Variants in IGF2BP2 observed in about 807,000 individuals in gnomAD.
IGF2BP2 encodes the protein insulin like growth factor 2 mRNA binding protein 2.
IGF2BP2 carries 17 observed loss-of-function variants against 75.8 expected under a neutral mutation model. The observed-to-expected ratio is 0.22, with a 90% CI of 0.15 to 0.34. The LOEUF (loss-of-function observed/expected upper bound fraction) is 0.34, where lower values mean the gene tolerates loss of function less well. IGF2BP2 is among the 10% of genes least tolerant of loss of function. The pLI is 1.00. For missense variants in IGF2BP2, 516 were observed against 772.4 expected, an observed-to-expected ratio of 0.67 and a Z score of 3.93; for synonymous variants, 288 against 295.6, an observed-to-expected ratio of 0.97 and a Z score of 0.26.
At chr3:185,650,088 CTTT>C (rs542843120) in intron 13 of IGF2BP2, among the ~76,000 whole-genome samples, 7 of 125,966 alleles carry the variant, frequency 5.6e-5, no homozygotes, top group Admixed American at 8.0e-5. Context: ...TGTTTTCATT[CTTT>C]TTTTTTTTTT....
chr3:185,744,645 T>TA (rs1011512635), intron 2 of IGF2BP2, among the ~76,000 whole-genome samples: 2 of 152,002 alleles, frequency 1.3e-5, no homozygotes, highest in African/African-American at 2.4e-5. Context: ...CCATCTCTAC[T>TA]AAAAAATACA....
chr3:185,778,621 G>A (rs1460863437), intron 2 of IGF2BP2, among the ~76,000 whole-genome samples: 1 of 152,184 alleles, frequency 6.6e-6, no homozygotes, highest in Non-Finnish European at 1.5e-5. Context: ...GGATGGCACA[G>A]CAGGAAGGGA....
intron 2 of IGF2BP2, chr3:185,724,775 A>T (rs1272214694): frequency 1.3e-5 from 2 of 152,222 alleles, no homozygotes; most frequent in African/African-American, 4.8e-5. Context: ...AAAGGAATGC[A>T]TCAGAATCTT....
At chr3:185,696,298 A>C (rs370526352) in intron 4 of IGF2BP2, 5 of 301,710 alleles carry the variant, frequency 1.7e-5, no homozygotes, top group African/African-American at 6.4e-5. Context: ...TGTAAATCCA[A>C]TTACTCCTAA....
At position 185,644,992 on chromosome 3, in the gene IGF2BP2, A is replaced by G. The variant is rs1296058983; in HGVS notation, c.*539T>C. ...TAGAAAAGCCTGCTTTCTCTTTAAAAAGAAAAAAAAATTAATAATTGATTA... is the reference window on the plus strand; with the variant it reads ...TAGAAAAGCCTGCTTTCTCTTTAAAGAGAAAAAAAAATTAATAATTGATTA... On this transcript the variant is annotated 3_prime_UTR_variant, in exon 16 of 16. Coordinates refer to ENST00000382199, the MANE Select transcript of IGF2BP2 (RefSeq NM_006548.6). 2 of 152,262 alleles carry G rather than the reference A, an allele frequency of 1.3e-5. No homozygotes were observed. The highest frequency in any genetic ancestry group is 4.8e-5 in the African/African-American group (2 of 41,446). 9.4% of individuals were successfully genotyped at this position (152,262 alleles called of 1,614,324 possible).
At chr3:185,691,803 C>G (rs1577988159) in intron 5 of IGF2BP2, among the ~76,000 whole-genome samples, 2 of 152,266 alleles carry the variant, frequency 1.3e-5, no homozygotes, top group South Asian at 4.1e-4. Context: ...GGTGCAATCA[C>G]AGCTTACTGC....
intron 2 of IGF2BP2, among the ~76,000 whole-genome samples, chr3:185,758,767 T>G (rs2076020168): frequency 6.6e-6 from 1 of 152,242 alleles, no homozygotes; most frequent in Admixed American, 6.5e-5. Context: ...GATGTTTCAC[T>G]GACATCATAA....
chr3:185,767,421 A>C (rs1024960456), intron 2 of IGF2BP2, among the ~76,000 whole-genome samples: 1 of 152,224 alleles, frequency 6.6e-6, no homozygotes, highest in Admixed American at 6.5e-5. Flanking sequence ...TCCCATTTCC[A>C]TAAGATGTTA....
At chr3:185,660,317 C>T (rs999232731) in intron 10 of IGF2BP2, among the ~76,000 whole-genome samples, 28 of 152,156 alleles carry the variant, frequency 1.8e-4, no homozygotes, top group African/African-American at 6.0e-4. Flanking sequence ...GTCTGGTGAC[C>T]CAGCTTTCAC....
chr3:185,654,282 G>A (rs1446105855), intron 12 of IGF2BP2, among the ~76,000 whole-genome samples: 1 of 152,152 alleles, frequency 6.6e-6, no homozygotes, highest in Non-Finnish European at 1.5e-5. Flanking sequence ...GTGTGTCCAG[G>A]GGTCTGACAC....
chr3:185,741,535 C>A (rs1333665567), intron 2 of IGF2BP2, among the ~76,000 whole-genome samples: 2 of 152,142 alleles, frequency 1.3e-5, no homozygotes, highest in Non-Finnish European at 2.9e-5. Flanking sequence ...CCATGAATAA[C>A]TGCTATTTGT....
intron 2 of IGF2BP2, among the ~76,000 whole-genome samples, chr3:185,762,769 G>A (rs561722372): frequency 2.0e-5 from 3 of 152,220 alleles, no homozygotes; most frequent in East Asian, 1.9e-4. Flanking sequence ...CAATTGAAGA[G>A]GCACAGATGA....
intron 2 of IGF2BP2, among the ~76,000 whole-genome samples, chr3:185,735,715 C>A (rs1259182153): frequency 6.6e-6 from 1 of 152,152 alleles, no homozygotes; most frequent in African/African-American, 2.4e-5. Flanking sequence ...TACAGCTCTG[C>A]CACTAAATAG....
chr3:185,821,114 C>CA, intron 2 of IGF2BP2: 12 of 1,521,596 alleles, frequency 7.9e-6, no homozygotes, highest in Non-Finnish European at 9.6e-6. Context: ...CGGTCATTAG[C>CA]TATCTCTCCC....
chr3:185,696,442 T>C lies in IGF2BP2; in HGVS notation c.340+170A>G, dbSNP rs1319297090. The C allele has an allele frequency of 6.6e-6, 4 of 603,178 alleles. No individual in the cohort carries two copies. In the South Asian group the frequency reaches 6.7e-5, roughly 10 times the overall value. 37.4% of individuals were successfully genotyped at this position (603,178 alleles called of 1,614,324 possible). ...AGACATACATAGAAAGAGACAGATA[T>C]CTCTCACATCTATGTAAGATACATC... On this transcript the variant is annotated intron_variant, in intron 4 of 15. Coordinates refer to ENST00000382199, the MANE Select transcript of IGF2BP2 (RefSeq NM_006548.6).
chr3:185,724,815 T>C (rs1727080060), intron 2 of IGF2BP2: 1 of 152,254 alleles, frequency 6.6e-6, no homozygotes, highest in Admixed American at 6.5e-5. Context: ...GGTGTGACTT[T>C]GACACTCCTC....
intron 2 of IGF2BP2, among the ~76,000 whole-genome samples, chr3:185,725,287 C>T (rs150768684): frequency 6.6e-6 from 1 of 152,124 alleles, no homozygotes; most frequent in Non-Finnish European, 1.5e-5. Context: ...TTTAAGGCAA[C>T]AGATGGCCAT....
intron 2 of IGF2BP2, among the ~76,000 whole-genome samples, chr3:185,811,877 T>TCTCTCTCTCTCTCC (rs1553897483): frequency 6.2e-5 from 3 of 48,032 alleles, no homozygotes; most frequent in African/African-American, 8.5e-4. Context: ...TCTCTCTCTC[T>TCTCTCTCTCTCTCC]CCCCCTCTCC....
At chr3:185,779,365 C>A (rs149841798) in intron 2 of IGF2BP2, among the ~76,000 whole-genome samples, 1 of 152,250 alleles carries the variant, frequency 6.6e-6, no homozygotes, top group African/African-American at 2.4e-5. Flanking sequence ...GCACCCTTCA[C>A]CCAGTTTCAA....
Sources: gnomAD v4.1 joint callset for allele counts (sites outside exome capture counted in the v4.1 genomes callset) on GRCh38, gnomAD v4.1.1 for gene constraint, MANE v1.5 for transcripts, NCBI Gene and HGNC (gene_info 2026-07-23, HGNC 2026-07-21) for gene names.